Variants in CNTRL observed in about 807,000 individuals in gnomAD.
CNTRL encodes 110 kDa centrosomal protein.
Under a neutral mutation model 303.7 loss-of-function variants are expected in CNTRL, and 233 were observed. That is an observed-to-expected ratio of 0.77 (90% CI 0.69 to 0.86). CNTRL has a LOEUF of 0.86. CNTRL is among the 40% of genes least tolerant of loss of function. The probability of loss-of-function intolerance (pLI) is 0.00; values close to 1 mark genes in which losing one functional copy is unlikely to be tolerated. For synonymous variants in CNTRL, 900 were observed against 922.2 expected, an observed-to-expected ratio of 0.98 and a Z score of 0.44; for missense variants, 2,524 against 2,650.6, an observed-to-expected ratio of 0.95 and a Z score of 1.05.
At chr9:121,096,612 A>G (rs774109787) in intron 6 of CNTRL, 49 bp downstream of exon 6, 6 of 1,327,268 alleles carry the variant, frequency 4.5e-6, no homozygotes, top group Non-Finnish European at 3.9e-6. Context: ...AAAAAATAAA[A>G]GATTAAAAAT....
intron 8 of CNTRL, among the ~76,000 whole-genome samples, chr9:121,109,973 T>C (rs142612033): frequency 3.9e-5 from 6 of 152,276 alleles, no homozygotes; most frequent in African/African-American, 1.2e-4. Context: ...CTGGGTCTTA[T>C]TCTAAGAGCT....
chr9:121,124,390 C>T (rs906282063), intron 13 of CNTRL, among the ~76,000 whole-genome samples: 10 of 152,104 alleles, frequency 6.6e-5, no homozygotes, highest in Non-Finnish European at 1.2e-4. Context: ...CATTCAGGAG[C>T]AAAGCACCCA....
chr9:121,161,607 C>T (rs191788487), intron 32 of CNTRL: 7 of 426,892 alleles, frequency 1.6e-5, no homozygotes, highest in African/African-American at 1.2e-4. Context: ...CTCAGCCTGC[C>T]AAATGGCTGG....
chr9:121,138,126 C>G (rs1564257431), intron 15 of CNTRL, among the ~76,000 whole-genome samples: 1 of 152,118 alleles, frequency 6.6e-6, no homozygotes, highest in African/African-American at 2.4e-5. Flanking sequence ...TCCAGAATCT[C>G]TTTTCTGAGA....
chr9:121,096,399 T>A (rs1286564994), intron 5 of CNTRL, 23 bp from the exon 6 acceptor site: 1 of 1,457,848 alleles, frequency 6.9e-7, no homozygotes, highest in East Asian at 2.4e-5. Flanking sequence ...TCACTAAATT[T>A]TATTTTATCC....
At chr9:121,143,867 G>T in intron 19 of CNTRL, 36 bp from the exon 20 acceptor site, 1 of 1,513,030 alleles carries the variant, frequency 6.6e-7, no homozygotes, top group South Asian at 1.2e-5. Flanking sequence ...CCTGCCAAAT[G>T]ATTCATCTGT....
At chr9:121,091,703 G>T (rs973078707) in intron 4 of CNTRL, among the ~76,000 whole-genome samples, 37 of 152,012 alleles carry the variant, frequency 2.4e-4, no homozygotes, top group African/African-American at 8.4e-4. Context: ...AATTAGCCAG[G>T]CGTAGTGGCG....
intron 3 of CNTRL, among the ~76,000 whole-genome samples, chr9:121,088,884 A>C (rs945468929): frequency 6.6e-6 from 1 of 152,256 alleles, no homozygotes; most frequent in Non-Finnish European, 1.5e-5. Flanking sequence ...ATTCAGTAAA[A>C]AAACGTTATA....
chr9:121,118,704 T>C (rs1347584156), intron 12 of CNTRL, 164 bp downstream of exon 12: 7 of 470,562 alleles, frequency 1.5e-5, no homozygotes, highest in Non-Finnish European at 2.5e-5. Flanking sequence ...GGGTTCTGCA[T>C]CTGTGGATTT....
At chr9:121,162,396 C>A in intron 34 of CNTRL, 125 bp downstream of exon 34, 2 of 742,024 alleles carry the variant, frequency 2.7e-6, no homozygotes, top group Non-Finnish European at 4.5e-6. Flanking sequence ...TATCATAATA[C>A]ATTTTGCCAG....
At chr9:121,095,762 T>TG in intron 5 of CNTRL, among the ~76,000 whole-genome samples, 1 of 152,120 alleles carries the variant, frequency 6.6e-6, no homozygotes, top group Non-Finnish European at 1.5e-5. Flanking sequence ...AAAATAAAAT[T>TG]GAAAGTAGAG....
rs1204535145 is a variant in CNTRL at position 121,169,640 on chromosome 9, T to C, written c.6100T>C (p.Leu2034=). The C allele has an allele frequency of 2.5e-6, 4 of 1,614,022 alleles. No homozygotes were observed. Among genetic ancestry groups the C allele is most frequent in the African/African-American group, 1.3e-5 (1 of 74,994 alleles). The part of the protein sequence containing the change: ...KRQLSEREQQ[L]VEKSGELLAL... ...GCAGCTTTCAGAAAGGGAGCAGCAA[T>C]TGGTGGAGAAATCAGGTGAGCTGTT... Residue 2034 remains leucine (L), a synonymous_variant, in exon 39 of 44, where the codon TTG becomes CTG. Transcript: ENST00000373855.
intron 40 of CNTRL, among the ~76,000 whole-genome samples, chr9:121,172,826 TCTCA>T (rs1194529429): frequency 6.6e-6 from 1 of 152,158 alleles, no homozygotes; most frequent in Non-Finnish European, 1.5e-5. Context: ...TCATGTAAAT[TCTCA>T]CTTAGTTTTT....
intron 3 of CNTRL, among the ~76,000 whole-genome samples, chr9:121,089,368 C>T (rs562653155): frequency 3.6e-4 from 55 of 152,110 alleles, no homozygotes; most frequent in Non-Finnish European, 6.9e-4. Flanking sequence ...GGCTCACAGC[C>T]TGGATCTCAA....
At chr9:121,165,604 G>A (rs1436631969) in intron 35 of CNTRL, among the ~76,000 whole-genome samples, 2 of 151,920 alleles carry the variant, frequency 1.3e-5, no homozygotes, top group African/African-American at 4.8e-5. Context: ...TATATCCTTG[G>A]TATTTCATTT....
At chr9:121,172,135 A>G (rs1481423180) in intron 40 of CNTRL, among the ~76,000 whole-genome samples, 1 of 152,190 alleles carries the variant, frequency 6.6e-6, no homozygotes, top group Non-Finnish European at 1.5e-5. Flanking sequence ...TGTGCTTCCA[A>G]TCCCCTGATG....
chr9:121,096,684 T>G (rs768627977), intron 6 of CNTRL, 121 bp downstream of exon 6: 3 of 715,542 alleles, frequency 4.2e-6, no homozygotes, highest in Non-Finnish European at 4.0e-6. Flanking sequence ...GACTAAACAC[T>G]AGATTCAGAC....
At chr9:121,160,451 A>AAGT in intron 32 of CNTRL, 149 bp downstream of exon 32, 6 of 482,932 alleles carry the variant, frequency 1.2e-5, no homozygotes, top group Non-Finnish European at 2.2e-5. Flanking sequence ...AAGGAATATG[A>AAGT]TATTTTCTGC....
At chr9:121,147,444 A>G (rs1447681179) in intron 23 of CNTRL, among the ~76,000 whole-genome samples, 1 of 152,228 alleles carries the variant, frequency 6.6e-6, no homozygotes, top group Non-Finnish European at 1.5e-5. Flanking sequence ...TGGCTAGTAT[A>G]GAGTCTATAC....
Sources: allele counts gnomAD v4.1 joint callset (sites outside exome capture counted in the v4.1 genomes callset), GRCh38; gene constraint gnomAD v4.1.1; transcripts MANE v1.5; gene names NCBI Gene and HGNC (gene_info 2026-07-23, HGNC 2026-07-21).